RBBP8NL: variants seen among roughly 807,000 people sequenced by gnomAD.
RBBP8NL encodes the protein RBBP8 N-terminal like, also known as RBBP8 N-terminal-like protein.
Under a neutral mutation model 62.2 loss-of-function variants are expected in RBBP8NL, and 59 were observed. That is an observed-to-expected ratio of 0.95 (90% confidence interval 0.77 to 1.18). The LOEUF (loss-of-function observed/expected upper bound fraction) is 1.18. RBBP8NL is among the 50% of genes most tolerant of loss of function. The probability of loss-of-function intolerance (pLI) is 0.00; values close to 1 mark genes in which losing one functional copy is unlikely to be tolerated. For synonymous variants in RBBP8NL, 412 were observed against 394.1 expected (o/e 1.05, Z -0.54); for missense variants, 896 against 899.5 (o/e 1.00, Z 0.05).
intron 1 of RBBP8NL, among the ~76,000 whole-genome samples, chr20:62,422,196 GAGCGGAAC>G (rs1483323092): frequency 6.6e-6 from 1 of 152,218 alleles, no homozygotes; most frequent in Non-Finnish European, 1.5e-5. Context: ...GTGGATCACA[GAGCGGAAC>G]AGCCATGGCT....
intron 7 of RBBP8NL, 56 bp from the exon 8 acceptor site, chr20:62,415,716 C>T (rs1988547084): frequency 2.5e-6 from 4 of 1,609,570 alleles, no homozygotes; most frequent in East Asian, 2.2e-5. Context: ...GGGGCAGCGG[C>T]CCAGCCCCAG....
At chr20:62,420,350 GCACACA>G (rs55946617) in intron 1 of RBBP8NL, among the ~76,000 whole-genome samples, 6,028 of 129,750 alleles carry the variant, frequency 0.046, 243 homozygotes, top group African/African-American at 0.12. Context: ...TGTCCCACAG[GCACACA>G]CACACACACA....
In RBBP8NL at chr20:62,427,489, C is replaced by T. The variant is rs747126939; in HGVS notation, c.-113G>A. The T allele has an allele frequency of 4.6e-5, 7 of 152,280 alleles. No individual in the cohort carries two copies. The highest frequency in any genetic ancestry group is 7.3e-5 in the Non-Finnish European group (5 of 68,076). 9.4% of individuals were successfully genotyped at this position (152,280 alleles called of 1,614,324 possible). Reference sequence around the variant, plus strand: ...CTCCTGGCCCTGCCTCAACCTCTGTCGACCTCTGCGCGGAGTCCCCCACGC... The same window carrying T: ...CTCCTGGCCCTGCCTCAACCTCTGTTGACCTCTGCGCGGAGTCCCCCACGC... On this transcript the variant is annotated 5_prime_UTR_variant, in exon 1 of 14. Coordinates refer to ENST00000252998, the MANE Select transcript of RBBP8NL (RefSeq NM_080833.3).
intron 1 of RBBP8NL, among the ~76,000 whole-genome samples, chr20:62,420,604 G>T (rs1016858927): frequency 1.3e-5 from 2 of 152,150 alleles, no homozygotes; most frequent in African/African-American, 4.8e-5. Context: ...ATAGACATGG[G>T]TATACGCAGA....
intron 2 of RBBP8NL, among the ~76,000 whole-genome samples, chr20:62,419,244 C>T (rs1025304610): frequency 1.3e-5 from 2 of 152,144 alleles, no homozygotes; most frequent in South Asian, 2.1e-4. Flanking sequence ...GGCCGGCCCA[C>T]GGGAGAACAA....
At chr20:62,425,032 A>G (rs1361705805) in intron 1 of RBBP8NL, among the ~76,000 whole-genome samples, 2 of 152,174 alleles carry the variant, frequency 1.3e-5, no homozygotes, top group South Asian at 4.1e-4. Context: ...TCTGCTCTCT[A>G]TGCGGCCTTG....
chr20:62,415,297 T>C lies in RBBP8NL; in HGVS notation c.628-10A>G, dbSNP rs1206062417. 1 of 1,566,886 alleles carries C rather than the reference T, an allele frequency of 6.4e-7. No homozygotes were observed. The highest frequency in any genetic ancestry group is 8.6e-7 in the Non-Finnish European group (1 of 1,164,552). On this transcript the variant is annotated splice_polypyrimidine_tract_variant and intron_variant, in intron 8 of 13. Coordinates refer to ENST00000252998, the MANE Select transcript of RBBP8NL (RefSeq NM_080833.3). ...AGATGCGCTGGGGGCTCTGTGAGGA[T>C]GGGTGGGTCAGCCTGGGCGGGGGCA...
chr20:62,419,882 G>A (rs888238871), intron 1 of RBBP8NL, among the ~76,000 whole-genome samples, 152 bp from the exon 2 acceptor site: 16 of 152,182 alleles, frequency 1.1e-4, no homozygotes, highest in Admixed American at 7.2e-4. Context: ...GGAGGCTCCC[G>A]AACCCCACGG....
At chr20:62,426,316 T>C (rs561726238) in intron 1 of RBBP8NL, among the ~76,000 whole-genome samples, 2 of 152,380 alleles carry the variant, frequency 1.3e-5, no homozygotes, top group Non-Finnish European at 2.9e-5. Flanking sequence ...GCAGCTTTGC[T>C]GAGGAAGCCA....
Position 62,415,645 on chromosome 20 carries a change from T to G in RBBP8NL, c.560A>C (p.His187Pro). 2 of 1,612,994 alleles carry G rather than the reference T, an allele frequency of 1.2e-6. No individual in the cohort carries two copies. The highest frequency in any genetic ancestry group is 1.7e-6 in the Non-Finnish European group (2 of 1,179,894). The change falls in exon 8 of 14, where the codon CAC becomes CCC. Residue 187 changes from histidine to proline, a missense_variant. His to Pro is a moderately conservative substitution (Grantham distance 77, BLOSUM62 -2). Transcript: ENST00000252998. ...GLRGEEKPAG[H>P]RTSPVAKISP... ...GATTTTGGCCACTGGAGATGTCCTG[T>G]GCCCTGCTGGCTTTTCTGTGGGAGG...
chr20:62,412,539 C>T, intron 13 of RBBP8NL, 85 bp downstream of exon 13: 1 of 1,516,388 alleles, frequency 6.6e-7, no homozygotes, highest in Non-Finnish European at 8.9e-7. Context: ...CTCCAGGCAG[C>T]CAGGAGGAGA....
chr20:62,416,677 C>CAT, intron 5 of RBBP8NL, 83 bp downstream of exon 5: 1 of 910,018 alleles, frequency 1.1e-6, no homozygotes, highest in Non-Finnish European at 1.7e-6. Context: ...CTCCTTTCCC[C>CAT]ATGCCCCTAC....
intron 11 of RBBP8NL, 150 bp from the exon 12 acceptor site, chr20:62,413,050 G>A (rs1988471705): frequency 2.2e-6 from 2 of 922,904 alleles, no homozygotes; most frequent in Non-Finnish European, 3.3e-6. Flanking sequence ...CTGGCTGACA[G>A]GAGGCCGACT....
At chr20:62,424,469 C>T (rs1988766974) in intron 1 of RBBP8NL, among the ~76,000 whole-genome samples, 1 of 152,206 alleles carries the variant, frequency 6.6e-6, no homozygotes, top group Non-Finnish European at 1.5e-5. Context: ...AGGCCGGCAG[C>T]TCCGCCTCCT....
intron 3 of RBBP8NL, 87 bp downstream of exon 3, chr20:62,418,336 G>T: frequency 7.9e-7 from 1 of 1,261,732 alleles, no homozygotes. Flanking sequence ...CCATAGGACG[G>T]TGGTAGTGCT....
chr20:62,412,765 G>T lies in RBBP8NL; in HGVS notation c.1747-12C>A. 2 of 1,612,806 alleles carry T rather than the reference G, an allele frequency of 1.2e-6. No individual in the cohort carries two copies. The highest frequency in any genetic ancestry group is 1.7e-6 in the Non-Finnish European group (2 of 1,179,996). On this transcript the variant is annotated splice_polypyrimidine_tract_variant and intron_variant, in intron 12 of 13. Transcript: ENST00000252998. ...GAGCTCAGGCCCACCTGGGGAGAAG[G>T]GGGTGTGGTCACGAGGAGGACTGCC...
chr20:62,418,714 G>A (rs971801526), intron 2 of RBBP8NL, among the ~76,000 whole-genome samples: 5 of 152,218 alleles, frequency 3.3e-5, no homozygotes, highest in Non-Finnish European at 5.9e-5. Flanking sequence ...GGTGTCTGGG[G>A]GTGAGCAGGG....
intron 1 of RBBP8NL, among the ~76,000 whole-genome samples, chr20:62,420,363 C>CAG (rs1988672282): frequency 7.4e-6 from 1 of 135,904 alleles, no homozygotes; most frequent in Non-Finnish European, 1.5e-5. Context: ...CACACACACA[C>CAG]ACACACACAC....
chr20:62,413,736 C>T, intron 10 of RBBP8NL, 85 bp downstream of exon 10: 1 of 1,472,814 alleles, frequency 6.8e-7, no homozygotes, highest in Non-Finnish European at 9.0e-7. Context: ...GGGAAAAGAG[C>T]AGCCCGAGGT....
Sources: allele counts gnomAD v4.1 joint callset (sites outside exome capture counted in the v4.1 genomes callset), GRCh38; gene constraint gnomAD v4.1.1; transcripts MANE v1.5; gene names NCBI Gene and HGNC (gene_info 2026-07-23, HGNC 2026-07-21).